Variants in PCDH15 observed in about 807,000 individuals in gnomAD.
PCDH15 encodes the protein protocadherin related 15, also known as protocadherin-15.
PCDH15 carries 129 observed loss-of-function variants against 178.5 expected under a neutral mutation model. That is an observed-to-expected ratio of 0.72 (90% confidence interval 0.63 to 0.84). PCDH15 has a LOEUF of 0.84. Among genes scored for constraint, PCDH15 ranks in the 40% least tolerant of loss-of-function variants. PCDH15 has a pLI of 0.00. For synonymous variants in PCDH15, 800 were observed against 732.0 expected, an observed-to-expected ratio of 1.09 and a Z score of -1.50; for missense variants, 2,230 against 2,099.9, an observed-to-expected ratio of 1.06 and a Z score of -1.21.
chr10:55,276,417 T>C (rs546523109), intron 1 of PCDH15, among the ~76,000 whole-genome samples: 1 of 151,354 alleles, frequency 6.6e-6, no homozygotes, highest in South Asian at 2.1e-4. Flanking sequence ...TTGCTAATTT[T>C]TTTCTAAATC....
intron 1 of PCDH15, among the ~76,000 whole-genome samples, chr10:54,715,729 A>G (rs2095472725): frequency 6.6e-6 from 1 of 152,082 alleles, no homozygotes; most frequent in African/African-American, 2.4e-5. Flanking sequence ...ACACTCAGAC[A>G]TACCTCCAGT....
chr10:55,222,720 C>CAT (rs1840913697), intron 1 of PCDH15, among the ~76,000 whole-genome samples: 7 of 28,684 alleles, frequency 2.4e-4, no homozygotes, highest in Admixed American at 5.1e-4. Flanking sequence ...TACACACACA[C>CAT]ACACACACAC....
chr10:54,848,060 G>T (rs1405145834), intron 3 of PCDH15, among the ~76,000 whole-genome samples: 2 of 152,118 alleles, frequency 1.3e-5, no homozygotes, highest in Non-Finnish European at 2.9e-5. Context: ...TCTGCCTAGT[G>T]ACTTCATGGG....
chr10:53,972,399 C>T (rs2089793070), intron 21 of PCDH15, among the ~76,000 whole-genome samples: 1 of 152,142 alleles, frequency 6.6e-6, no homozygotes, highest in Non-Finnish European at 1.5e-5. Context: ...ATGACTAAAA[C>T]ACCAAAAGCA....
At chr10:55,090,825 C>A (rs1842299239) in intron 2 of PCDH15, among the ~76,000 whole-genome samples, 1 of 151,950 alleles carries the variant, frequency 6.6e-6, no homozygotes, top group Non-Finnish European at 1.5e-5. Context: ...ATTTTATATC[C>A]TTTTCTTAGA....
chr10:54,071,172 C>A (rs532866443), intron 17 of PCDH15, among the ~76,000 whole-genome samples: 1 of 151,984 alleles, frequency 6.6e-6, no homozygotes, highest in African/African-American at 2.4e-5. Context: ...CTTGTAAATG[C>A]GCCTTGTATT....
At chr10:55,186,665 T>G (rs546286435) in intron 1 of PCDH15, among the ~76,000 whole-genome samples, 1 of 151,924 alleles carries the variant, frequency 6.6e-6, no homozygotes, top group Non-Finnish European at 1.5e-5. Context: ...AATCTATAAA[T>G]TTTAGATTTG....
chr10:54,215,251 G>A (rs1023233803), intron 9 of PCDH15, among the ~76,000 whole-genome samples: 9 of 152,012 alleles, frequency 5.9e-5, no homozygotes, highest in Non-Finnish European at 1.3e-4. Context: ...GCTGCCAGAT[G>A]TTAAAACACA....
chr10:55,597,184 C>G (rs749217513), intron 2 of PCDH15: 3 of 152,148 alleles, frequency 2.0e-5, no homozygotes, highest in Non-Finnish European at 4.4e-5. Flanking sequence ...GTCAACATAC[C>G]CAACCATAAG....
chr10:55,357,874 T>G (rs1845119722), intron 2 of PCDH15, among the ~76,000 whole-genome samples: 1 of 152,034 alleles, frequency 6.6e-6, no homozygotes, highest in African/African-American at 2.4e-5. Context: ...TTCCCAAAGA[T>G]AAATAAAATG....
chr10:54,691,056 A>G (rs1016538209), intron 1 of PCDH15, among the ~76,000 whole-genome samples: 2 of 152,182 alleles, frequency 1.3e-5, no homozygotes, highest in African/African-American at 4.8e-5. Context: ...AGAACAAAAG[A>G]GGAAAATATG....
intron 2 of PCDH15, among the ~76,000 whole-genome samples, chr10:55,024,320 T>TAA (rs1840420960): frequency 6.9e-6 from 1 of 144,524 alleles, no homozygotes; most frequent in Non-Finnish European, 1.5e-5. Context: ...ATGGAATATA[T>TAA]ATATATATTC....
At chr10:54,779,488 G>GTATATATACACACACATATATGTGTGTA (rs1950113710) in intron 1 of PCDH15, among the ~76,000 whole-genome samples, 4 of 53,320 alleles carry the variant, frequency 7.5e-5, no homozygotes, top group Non-Finnish European at 9.6e-5. Context: ...ACATATATAT[G>GTATATATACACACACATATATGTGTGTA]TATATATATA....
chr10:54,170,255 G>A (rs1274235893), intron 13 of PCDH15, among the ~76,000 whole-genome samples: 1 of 82,172 alleles, frequency 1.2e-5, no homozygotes, highest in Non-Finnish European at 2.7e-5. Flanking sequence ...TCAAACCACA[G>A]CAACTTCTAC....
rs570587459 is a variant in PCDH15, at chr10:54,992,922, A to G, written c.-79-95422T>C. Among the ~76,000 whole-genome samples, 4 of 152,296 alleles carry G rather than the reference A, an allele frequency of 2.6e-5. No homozygotes were observed. In the South Asian group the frequency reaches 8.3e-4, roughly 32 times the overall value. On this transcript the variant is annotated intron_variant, in intron 2 of 5. Transcript: ENST00000458638. Reference sequence around the variant, plus strand: ...ATCACACGACCTTATTTTCAATACTAAAAGATAATGTTTGCTGCTCTTTAT... The same window carrying G: ...ATCACACGACCTTATTTTCAATACTGAAAGATAATGTTTGCTGCTCTTTAT...
At chr10:54,200,803 G>T (rs2050157929) in intron 10 of PCDH15, among the ~76,000 whole-genome samples, 1 of 151,804 alleles carries the variant, frequency 6.6e-6, no homozygotes, top group South Asian at 2.1e-4. Context: ...TTTTGGAGTG[G>T]CCCAGAAGTG....
chr10:53,840,597 G>A (rs1157086104), intron 28 of PCDH15, 101 bp from the exon 29 acceptor site: 1 of 1,110,500 alleles, frequency 9.0e-7, no homozygotes, highest in Admixed American at 2.0e-5. Context: ...GAAAAATGAT[G>A]ACAGCCTAGT....
chr10:54,629,619 A>C (rs2093647729), intron 2 of PCDH15, among the ~76,000 whole-genome samples: 1 of 152,132 alleles, frequency 6.6e-6, no homozygotes, highest in Non-Finnish European at 1.5e-5. Context: ...TGTGTGACAA[A>C]CCTAGAGCAA....
At chr10:54,318,147 G>A (rs147891282) in intron 7 of PCDH15, among the ~76,000 whole-genome samples, 1,596 of 152,286 alleles carry the variant, frequency 0.01, 11 homozygotes, top group Non-Finnish European at 0.017. Context: ...GCCCTGGGGG[G>A]CCATCTCTTT....
Sources: allele counts gnomAD v4.1 joint callset (sites outside exome capture counted in the v4.1 genomes callset), GRCh38; gene constraint gnomAD v4.1.1; transcripts MANE v1.5; gene names NCBI Gene and HGNC (gene_info 2026-07-23, HGNC 2026-07-21).